The following ADCYAP1R1 variants were observed in gnomAD, a reference collection of about 807,000 sequenced individuals.
ADCYAP1R1 encodes ADCYAP receptor type I, also known as pituitary adenylate cyclase-activating polypeptide type I receptor.
ADCYAP1R1 carries 44 observed loss-of-function variants against 67.6 expected under a neutral mutation model. The observed-to-expected ratio is 0.65, with a 90% CI of 0.51 to 0.84. The LOEUF is 0.84. Among genes scored for constraint, ADCYAP1R1 ranks in the 40% least tolerant of loss-of-function variants. ADCYAP1R1 has a pLI of 0.00. For missense variants in ADCYAP1R1, 477 were observed against 587.9 expected, an observed-to-expected ratio of 0.81 and a Z score of 1.95; for synonymous variants, 222 against 219.6, an observed-to-expected ratio of 1.01 and a Z score of -0.10.
intron 2 of ADCYAP1R1, 24 bp downstream of exon 2, chr7:31,063,339 T>C (rs1794589341): frequency 1.2e-6 from 2 of 1,613,924 alleles, no homozygotes; most frequent in African/African-American, 1.3e-5. Flanking sequence ...AACATCTCTC[T>C]GGGAGCCCCA....
intron 11 of ADCYAP1R1, 23 bp downstream of exon 11, chr7:31,087,026 G>A: frequency 6.2e-7 from 1 of 1,613,818 alleles, no homozygotes; most frequent in Non-Finnish European, 8.5e-7. Context: ...GCGAGAGTCA[G>A]GGCCACAGCA....
At chr7:31,074,691 A>G (rs999890211) in intron 3 of ADCYAP1R1, among the ~76,000 whole-genome samples, 1 of 152,286 alleles carries the variant, frequency 6.6e-6, no homozygotes, top group East Asian at 1.9e-4. Context: ...AAGATGTGCT[A>G]TTGGGTCTCT....
At chr7:31,055,003 G>T (rs374982172) in intron 1 of ADCYAP1R1, among the ~76,000 whole-genome samples, 5 of 152,200 alleles carry the variant, frequency 3.3e-5, no homozygotes, top group Non-Finnish European at 5.9e-5. Flanking sequence ...CAGCCGCCTG[G>T]CAAGATGGAG....
At position 31,102,312 on chromosome 7, in the gene ADCYAP1R1, C is replaced by T. The variant is rs2128640423; in HGVS notation, c.1047-925C>T. ...ACATCTGCGGGGCAGGCCACATCTGCAGGGCAGAGCTGGACTCTCTGGGGG... is the reference window on the plus strand; with the variant it reads ...ACATCTGCGGGGCAGGCCACATCTGTAGGGCAGAGCTGGACTCTCTGGGGG... On this transcript the variant is annotated intron_variant, in intron 13 of 15. Transcript: ENST00000304166. This position sits in a 1 kb window ranked among gnomAD's most constrained non-coding sequence, Gnocchi z 4.3. Among the ~76,000 whole-genome samples the T allele has an allele frequency of 6.6e-6, 1 of 152,342 alleles. No homozygotes were observed. The highest frequency in any genetic ancestry group is 2.1e-4 in the South Asian group (1 of 4,826).
In ADCYAP1R1 at chr7:31,087,754, C is replaced by T. The variant is rs187519800; in HGVS notation, c.954+58C>T. 7.5e-5 allele frequency: 107 copies of T among 1,425,962 alleles called. 1 individual carries two copies. The highest frequency in any genetic ancestry group is 5.9e-4 in the South Asian group (49 of 83,732). The allele number at this position is 1,425,962 out of a possible 1,614,324, so 88.3% of individuals were successfully genotyped here. On this transcript the variant is annotated intron_variant, in intron 12 of 15. Coordinates refer to ENST00000304166, the MANE Select transcript of ADCYAP1R1 (RefSeq NM_001118.5). ...AGACAGGGTCTTGGGCAGAAAGGCA[C>T]GCGAGGAAGAGAAATGAAAGAGTCC...
intron 5 of ADCYAP1R1, among the ~76,000 whole-genome samples, chr7:31,080,961 C>T (rs1195657979): frequency 6.6e-6 from 1 of 152,192 alleles, no homozygotes; most frequent in Non-Finnish European, 1.5e-5. Flanking sequence ...ATGCCCAGAC[C>T]TGAACATGTG....
chr7:31,070,919 C>T (rs1435987566), intron 3 of ADCYAP1R1, among the ~76,000 whole-genome samples: 1 of 152,212 alleles, frequency 6.6e-6, no homozygotes, highest in East Asian at 1.9e-4. Flanking sequence ...GCGAGGGCGG[C>T]ATCTTTAGTC....
intron 3 of ADCYAP1R1, among the ~76,000 whole-genome samples, chr7:31,065,296 G>A (rs1794688387): frequency 6.6e-6 from 1 of 152,190 alleles, no homozygotes; most frequent in African/African-American, 2.4e-5. Context: ...TGGCTGAGCT[G>A]TACAGCACTT....
rs1184308352 is a variant in ADCYAP1R1 at position 31,085,358 on chromosome 7, G to A, written c.585G>A (p.Ser195=). 3.1e-6 allele frequency: 5 copies of A among 1,614,062 alleles called. No homozygotes were observed. Among genetic ancestry groups the A allele is most frequent in the Admixed American group, 1.7e-5 (1 of 60,028 alleles). Residue 195 remains serine (S), a synonymous_variant, in exon 9 of 16, where the codon TCG becomes TCA. Transcript: ENST00000304166. ...TCATCCACATGAACCTGTTTGTGTCGTTCATGCTGAGGGCGATCTCCGTCT... is the reference window on the plus strand; with the variant it reads ...TCATCCACATGAACCTGTTTGTGTCATTCATGCTGAGGGCGATCTCCGTCT... The part of the protein sequence containing the change: ...RNFIHMNLFV[S]FMLRAISVFI...
intron 8 of ADCYAP1R1, 47 bp from the exon 9 acceptor site, chr7:31,085,263 A>G: frequency 6.3e-7 from 1 of 1,590,062 alleles, no homozygotes; most frequent in Non-Finnish European, 8.6e-7. Flanking sequence ...AGGGTGTGAA[A>G]TGCTGTGGGG....
chr7:31,084,416 G>A (rs539715840), intron 7 of ADCYAP1R1, among the ~76,000 whole-genome samples, 166 bp downstream of exon 7: 1 of 152,310 alleles, frequency 6.6e-6, no homozygotes, highest in South Asian at 2.1e-4. Context: ...TGGAATTAAT[G>A]CCACTGGGTT....
Position 31,084,180 on chromosome 7 carries a change from G to A in ADCYAP1R1, c.368G>A (p.Trp123Ter), listed in dbSNP as rs1340112024. ...VVSRNCTEDG[W>*]SEPFPHYFDA... ...AGCCGGAACTGCACGGAGGATGGCT[G>A]GTCGGAACCCTTCCCTCATTACTTT... is the stretch of plus-strand genomic sequence containing the variant. The change falls in exon 7 of 16, where the codon TGG becomes TAG. Residue 123 changes from tryptophan (W) to a stop codon, truncating the protein, a stop_gained. Coordinates refer to ENST00000304166, the MANE Select transcript of ADCYAP1R1 (RefSeq NM_001118.5). LOFTEE classifies it high-confidence loss of function. The A allele has an allele frequency of 6.2e-7, 1 of 1,614,196 alleles. No individual in the cohort carries two copies. The highest frequency in any genetic ancestry group is 8.5e-7 in the Non-Finnish European group (1 of 1,180,046).
intron 3 of ADCYAP1R1, among the ~76,000 whole-genome samples, chr7:31,071,162 G>A (rs1252717808): frequency 3.3e-5 from 5 of 152,130 alleles, no homozygotes; most frequent in Non-Finnish European, 7.4e-5. Flanking sequence ...TGAACACTGT[G>A]GAACTGGACA....
At chr7:31,099,792 T>C (rs545570464) in intron 13 of ADCYAP1R1, among the ~76,000 whole-genome samples, 157 of 152,302 alleles carry the variant, frequency 1.0e-3, no homozygotes, top group African/African-American at 3.2e-3. Context: ...TGGAGCCAAC[T>C]CTGGAGGCAG....
intron 1 of ADCYAP1R1, among the ~76,000 whole-genome samples, chr7:31,059,806 G>A (rs1272247215): frequency 3.9e-5 from 6 of 151,988 alleles, no homozygotes; most frequent in African/African-American, 7.2e-5. Context: ...AAGGATTACC[G>A]CCCAGAGAGG....
chr7:31,057,847 C>T (rs545224096), intron 1 of ADCYAP1R1, among the ~76,000 whole-genome samples: 9 of 152,266 alleles, frequency 5.9e-5, no homozygotes, highest in East Asian at 1.9e-4. Context: ...GCAGGGTAGG[C>T]GAGTGATGTA....
intron 3 of ADCYAP1R1, among the ~76,000 whole-genome samples, chr7:31,067,158 A>T (rs1156503124): frequency 2.0e-5 from 3 of 152,150 alleles, no homozygotes; most frequent in African/African-American, 7.2e-5. Flanking sequence ...AATTGAGTGA[A>T]TAGCTCTCCT....
intron 11 of ADCYAP1R1, among the ~76,000 whole-genome samples, 180 bp from the exon 12 acceptor site, chr7:31,087,447 C>G (rs1795795146): frequency 6.6e-6 from 1 of 152,180 alleles, no homozygotes; most frequent in Non-Finnish European, 1.5e-5. Context: ...AGGGGATTTT[C>G]AGAGCCAGGA....
At chr7:31,079,580 T>C (rs977901932) in intron 4 of ADCYAP1R1, among the ~76,000 whole-genome samples, 2 of 152,210 alleles carry the variant, frequency 1.3e-5, no homozygotes, top group African/African-American at 4.8e-5. Flanking sequence ...ATTTGCTAAT[T>C]TGCTGTCAAA....
Sources: allele counts gnomAD v4.1 joint callset (sites outside exome capture counted in the v4.1 genomes callset), GRCh38; gene constraint gnomAD v4.1.1; non-coding constraint Gnocchi (gnomAD v3.1); transcripts MANE v1.5; gene names NCBI Gene and HGNC (gene_info 2026-07-23, HGNC 2026-07-21).